ANKRD13A: variants seen among roughly 807,000 people sequenced by gnomAD.
The protein encoded by ANKRD13A is ankyrin repeat domain-containing protein 13A.
ANKRD13A carries 48 observed loss-of-function variants against 81.3 expected under a neutral mutation model. The ratio of observed to expected loss-of-function variants is 0.59; its 90% confidence interval spans 0.47 to 0.75. The LOEUF (loss-of-function observed/expected upper bound fraction) is 0.75. ANKRD13A is among the 30% of genes least tolerant of loss of function. The pLI, the probability that ANKRD13A is intolerant of heterozygous loss-of-function variation, is 0.00. For synonymous variants in ANKRD13A, 230 were observed against 270.1 expected, an observed-to-expected ratio of 0.85 and a Z score of 1.45; for missense variants, 612 against 734.0, an observed-to-expected ratio of 0.83 and a Z score of 1.92.
intron 12 of ANKRD13A, among the ~76,000 whole-genome samples, chr12:110,031,737 A>G (rs999031216): frequency 6.6e-6 from 1 of 152,222 alleles, no homozygotes; most frequent in Non-Finnish European, 1.5e-5. Context: ...CTCCTTTGCC[A>G]TCAATACAAT....
chr12:110,024,496 C>G (rs1273617334), intron 7 of ANKRD13A, among the ~76,000 whole-genome samples: 1 of 151,990 alleles, frequency 6.6e-6, no homozygotes, highest in Non-Finnish European at 1.5e-5. Context: ...TTTGTTAAAT[C>G]AGCTTAATTG....
intron 9 of ANKRD13A, 60 bp from the exon 10 acceptor site, chr12:110,028,452 A>G: frequency 6.3e-7 from 1 of 1,598,286 alleles, no homozygotes; most frequent in South Asian, 1.1e-5. Flanking sequence ...TGAGTGCCAC[A>G]GGCCTTCACT....
In ANKRD13A at chr12:109,999,833, C is replaced by CG; in HGVS notation, c.96+54dup. The CG allele has an allele frequency of 6.8e-7, 1 of 1,464,988 alleles. No individual in the cohort carries two copies. Among genetic ancestry groups the CG allele is most frequent in the Non-Finnish European group, 9.1e-7 (1 of 1,095,816 alleles). 90.7% of individuals were successfully genotyped at this position (1,464,988 alleles called of 1,614,324 possible). ...TCTCCCGGTGGGGACTTCGGGGAAT[C>CG]GGGGGTCGTTTCGCCTCCCTGAGCC... is the stretch of plus-strand genomic sequence containing the variant. On this transcript the variant is annotated intron_variant, in intron 1 of 14. Coordinates refer to ENST00000261739, the MANE Select transcript of ANKRD13A (RefSeq NM_033121.2). The surrounding 1 kb of genome is among the most constrained non-coding windows in gnomAD (Gnocchi z 4.3).
chr12:110,023,967 A>G (rs575393512), intron 6 of ANKRD13A, 79 bp from the exon 7 acceptor site: 44 of 1,443,634 alleles, frequency 3.0e-5, no homozygotes, highest in African/African-American at 4.3e-5. Flanking sequence ...TGGGGGGGAA[A>G]AAAACTATAA....
intron 1 of ANKRD13A, among the ~76,000 whole-genome samples, chr12:110,011,595 C>G (rs1890528371): frequency 6.6e-6 from 1 of 152,152 alleles, no homozygotes; most frequent in African/African-American, 2.4e-5. Flanking sequence ...TGATTAAGGT[C>G]CTATACTTCC....
At chr12:110,004,512 G>C (rs1311574139) in intron 1 of ANKRD13A, among the ~76,000 whole-genome samples, 1 of 151,960 alleles carries the variant, frequency 6.6e-6, no homozygotes, top group African/African-American at 2.4e-5. Flanking sequence ...CTACCCGGGA[G>C]GCTGAGGCAG....
rs774756849 is a variant in ANKRD13A, at chr12:110,016,451, C to T, written c.400+18C>T. On this transcript the variant is annotated intron_variant, in intron 4 of 14. Transcript: ENST00000261739. ...CAGCTGGGGTGAGTGGCTGTGGGCT[C>T]GTTATTTATTTCTCTTTCTAAATTT... is the stretch of plus-strand genomic sequence containing the variant. 20 of 1,568,300 alleles carry T rather than the reference C, an allele frequency of 1.3e-5. No individual in the cohort carries two copies. Among genetic ancestry groups the T allele is most frequent in the Non-Finnish European group, 1.6e-5 (19 of 1,152,978 alleles).
intron 13 of ANKRD13A, among the ~76,000 whole-genome samples, chr12:110,035,908 C>T (rs1892015138): frequency 6.6e-6 from 1 of 152,156 alleles, no homozygotes; most frequent in South Asian, 2.1e-4. Flanking sequence ...GAGTGCGACC[C>T]TGTCTCTAAA....
chr12:110,026,084 C>T (rs1413700406), intron 8 of ANKRD13A, among the ~76,000 whole-genome samples: 1 of 151,770 alleles, frequency 6.6e-6, no homozygotes, highest in Non-Finnish European at 1.5e-5. Context: ...GCCTCAGCCT[C>T]CTGAGTAGCT....
chr12:110,030,459 G>A (rs540852591), intron 11 of ANKRD13A, among the ~76,000 whole-genome samples, 186 bp from the exon 12 acceptor site: 18 of 152,176 alleles, frequency 1.2e-4, no homozygotes, highest in Non-Finnish European at 2.4e-4. Context: ...AAGCCACCGC[G>A]CCTGACCGAA....
chr12:110,031,741 A>G (rs1891704829), intron 12 of ANKRD13A, among the ~76,000 whole-genome samples: 1 of 152,224 alleles, frequency 6.6e-6, no homozygotes, highest in African/African-American at 2.4e-5. Flanking sequence ...TTTGCCATCA[A>G]TACAATTCAT....
chr12:110,008,390 A>G (rs1032953483), intron 1 of ANKRD13A, among the ~76,000 whole-genome samples: 7 of 152,188 alleles, frequency 4.6e-5, no homozygotes, highest in African/African-American at 1.7e-4. Flanking sequence ...ATGTTGCTGA[A>G]TTTAGTTTGC....
rs966165725 is a variant in ANKRD13A at position 109,999,764 on chromosome 12, G to C, written c.76G>C (p.Glu26Gln). The change falls in exon 1 of 15, where the codon GAG becomes CAG. Residue 26 changes from glutamate to glutamine, a missense_variant. Physicochemically the swap from Glu to Gln is conservative, Grantham distance 29. Transcript: ENST00000261739. The surrounding 1 kb of genome is among the most constrained non-coding windows in gnomAD (Gnocchi z 4.3). ...CTGGAAAAACGACTACCGGCAGCTC[G>C]AGAAGGAGCTGCAGGGCCAGGTGAG... ...LVWKNDYRQL[E>Q]KELQGQNVEA... The C allele has an allele frequency of 3.3e-6, 5 of 1,530,166 alleles. No homozygotes were observed. The highest frequency in any genetic ancestry group is 3.5e-6 in the Non-Finnish European group (4 of 1,136,582). 94.8% of individuals were successfully genotyped at this position (1,530,166 alleles called of 1,614,324 possible).
chr12:110,029,260 G>C (rs925188974), intron 10 of ANKRD13A: 1 of 432,984 alleles, frequency 2.3e-6, no homozygotes, highest in African/African-American at 2.0e-5. Context: ...TTTGATCGTG[G>C]CAGGTTGTCA....
In ANKRD13A at chr12:110,037,469, A is replaced by G. The variant is rs1892135368; in HGVS notation, c.1688A>G (p.Lys563Arg). Residue 563 changes from lysine to arginine, a missense_variant, in exon 15 of 15, where the codon AAA becomes AGA. Physicochemically the swap from Lys to Arg is conservative, Grantham distance 26. Transcript: ENST00000261739. ...DLQLAMELSAKELEEWELRLQ... is the reference protein window; with the variant it reads ...DLQLAMELSARELEEWELRLQ... Reference sequence around the variant, plus strand: ...CAGCTAGCCATGGAGCTCTCTGCCAAAGAGCTGGAGGAATGGGAGCTCCGG... The same window carrying G: ...CAGCTAGCCATGGAGCTCTCTGCCAGAGAGCTGGAGGAATGGGAGCTCCGG... 1.9e-6 allele frequency: 3 copies of G among 1,614,200 alleles called. No homozygotes were observed. The highest frequency in any genetic ancestry group is 1.7e-6 in the Non-Finnish European group (2 of 1,180,014).
intron 6 of ANKRD13A, among the ~76,000 whole-genome samples, chr12:110,020,835 T>C (rs985919041): frequency 1.3e-5 from 2 of 152,212 alleles, no homozygotes; most frequent in Non-Finnish European, 2.9e-5. Flanking sequence ...GCCTCATCTC[T>C]CCAGTTTTCT....
chr12:110,033,445 TA>T (rs1316354762), intron 12 of ANKRD13A, among the ~76,000 whole-genome samples: 1 of 152,040 alleles, frequency 6.6e-6, no homozygotes, highest in Non-Finnish European at 1.5e-5. Flanking sequence ...AGTGTTCAGA[TA>T]TTTTATATAT....
At chr12:110,008,189 GT>G (rs988876337) in intron 1 of ANKRD13A, among the ~76,000 whole-genome samples, 11 of 152,140 alleles carry the variant, frequency 7.2e-5, no homozygotes, top group Admixed American at 3.3e-4. Context: ...GAGAGTTTTG[GT>G]TTTTTTCTTT....
intron 1 of ANKRD13A, among the ~76,000 whole-genome samples, chr12:110,002,784 G>T (rs1001996126): frequency 6.6e-6 from 1 of 152,166 alleles, no homozygotes; most frequent in East Asian, 1.9e-4. Flanking sequence ...TTTTTTCCAG[G>T]TTTTTTGTTC....
Sources: allele counts gnomAD v4.1 joint callset (sites outside exome capture counted in the v4.1 genomes callset), GRCh38; gene constraint gnomAD v4.1.1; non-coding constraint Gnocchi (gnomAD v3.1); transcripts MANE v1.5; gene names NCBI Gene and HGNC (gene_info 2026-07-23, HGNC 2026-07-21).